Variants in IMMP2L observed in about 807,000 individuals in gnomAD.
IMMP2L encodes inner mitochondrial membrane peptidase subunit 2.
Under a neutral mutation model 19.3 loss-of-function variants are expected in IMMP2L, and 18 were observed. That is an observed-to-expected ratio of 0.93 (90% CI 0.64 to 1.38). IMMP2L has a LOEUF of 1.38. IMMP2L is among the 40% of genes most tolerant of loss of function. The pLI is 0.00. For synonymous variants in IMMP2L, 76 were observed against 73.0 expected, an observed-to-expected ratio of 1.04 and a Z score of -0.21; for missense variants, 233 against 218.2, an observed-to-expected ratio of 1.07 and a Z score of -0.43.
intron 3 of IMMP2L, among the ~76,000 whole-genome samples, chr7:111,336,838 C>CT (rs78425646): frequency 0.046 from 6,514 of 140,214 alleles, 212 homozygotes; most frequent in South Asian, 0.087. Context: ...CAGAAGTAGA[C>CT]TTTTTTTTTT....
intron 5 of IMMP2L, among the ~76,000 whole-genome samples, chr7:110,882,217 C>T (rs1809713300): frequency 6.6e-6 from 1 of 152,130 alleles, no homozygotes; most frequent in African/African-American, 2.4e-5. Flanking sequence ...ACCTGAATCT[C>T]TGTCCTTAAA....
intron 2 of IMMP2L, among the ~76,000 whole-genome samples, chr7:111,512,931 C>A (rs1264430897): frequency 6.6e-6 from 1 of 152,096 alleles, no homozygotes; most frequent in African/African-American, 2.4e-5. Flanking sequence ...CCTTATCTCA[C>A]ACCATATACA....
intron 5 of IMMP2L, among the ~76,000 whole-genome samples, chr7:110,816,867 C>T (rs1283455646): frequency 7.2e-5 from 11 of 152,018 alleles, no homozygotes; most frequent in African/African-American, 2.2e-4. Context: ...TGTCTCTGCA[C>T]GTGAGATGGG....
chr7:110,923,221 T>C (rs1814495125), intron 4 of IMMP2L, among the ~76,000 whole-genome samples: 1 of 152,188 alleles, frequency 6.6e-6, no homozygotes, highest in African/African-American at 2.4e-5. Context: ...ACTATTATTA[T>C]TAATGTCCTT....
intron 5 of IMMP2L, among the ~76,000 whole-genome samples, chr7:110,777,217 A>C (rs1799446818): frequency 6.6e-6 from 1 of 151,972 alleles, no homozygotes; most frequent in Non-Finnish European, 1.5e-5. Context: ...CTACCACAGG[A>C]GCCCAGCTCG....
chr7:111,191,049 G>A (rs1484980570), intron 3 of IMMP2L, among the ~76,000 whole-genome samples: 1 of 152,046 alleles, frequency 6.6e-6, no homozygotes, highest in Non-Finnish European at 1.5e-5. Flanking sequence ...AGATAAGAAG[G>A]CATCAAAGAG....
At chr7:110,766,388 G>A (rs556655839) in intron 5 of IMMP2L, among the ~76,000 whole-genome samples, 4 of 151,920 alleles carry the variant, frequency 2.6e-5, no homozygotes, top group South Asian at 4.2e-4. Flanking sequence ...GTCAGGAGTC[G>A]AAGACCAACT....
chr7:110,703,914 G>C (rs912913817), intron 5 of IMMP2L, among the ~76,000 whole-genome samples: 39 of 150,732 alleles, frequency 2.6e-4, no homozygotes, highest in African/African-American at 9.3e-4. Flanking sequence ...GGTGTGATCT[G>C]GGCTCACTGC....
chr7:111,310,323 G>C (rs1823373945), intron 3 of IMMP2L, among the ~76,000 whole-genome samples: 1 of 151,200 alleles, frequency 6.6e-6, no homozygotes, highest in East Asian at 1.9e-4. Context: ...TCGCCAGATT[G>C]GAAAAGGGGT....
intron 3 of IMMP2L, among the ~76,000 whole-genome samples, chr7:111,300,116 G>A (rs1006079595): frequency 1.3e-5 from 2 of 152,132 alleles, no homozygotes; most frequent in South Asian, 4.2e-4. Context: ...GGTCCTCTGG[G>A]ATCAGGTCAC....
chr7:110,790,942 G>A (rs1800420531), intron 5 of IMMP2L, among the ~76,000 whole-genome samples: 1 of 151,336 alleles, frequency 6.6e-6, no homozygotes. Flanking sequence ...AAGCACCCCT[G>A]ACACCTGCAC....
At chr7:110,906,483 T>C (rs1812463007) in intron 4 of IMMP2L, among the ~76,000 whole-genome samples, 1 of 152,172 alleles carries the variant, frequency 6.6e-6, no homozygotes, top group Non-Finnish European at 1.5e-5. Flanking sequence ...GATAGGCAAA[T>C]GTAACCCTAG....
chr7:110,663,714 A>G lies in IMMP2L; in HGVS notation c.416T>C (p.Leu139Pro), dbSNP rs1437399826. 6.3e-7 allele frequency: 1 copy of G among 1,578,182 alleles called. No homozygotes were observed. Residue 139 changes from leucine (L) to proline (P), a missense_variant, in exon 6 of 6, where the codon CTA (leucine) becomes CCA (proline). Transcript: ENST00000405709. ...TGTGGCATGGGCATGCAGAAGTCCT[A>G]GGGAAACCTTAATTCATGAGAAACA... ...FDSNSFGPVSLGLLHAHATHI... is the reference protein window; with the variant it reads ...FDSNSFGPVSPGLLHAHATHI...
chr7:111,155,451 T>C (rs555458641), intron 3 of IMMP2L, among the ~76,000 whole-genome samples: 3 of 152,126 alleles, frequency 2.0e-5, no homozygotes, highest in Non-Finnish European at 4.4e-5. Flanking sequence ...ATTTTCCTTC[T>C]TGGAATAAAT....
intron 2 of IMMP2L, among the ~76,000 whole-genome samples, chr7:111,500,061 A>G (rs1209746478): frequency 6.6e-6 from 1 of 152,074 alleles, no homozygotes; most frequent in Non-Finnish European, 1.5e-5. Flanking sequence ...CTAGTCAAAG[A>G]AAGAGGTGAC....
chr7:110,751,606 T>G (rs1354191473), intron 5 of IMMP2L, among the ~76,000 whole-genome samples: 2 of 152,002 alleles, frequency 1.3e-5, no homozygotes, highest in African/African-American at 4.8e-5. Context: ...CATAATAAAT[T>G]GTAATAAGGT....
chr7:110,911,662 T>C (rs1813070938), intron 4 of IMMP2L, among the ~76,000 whole-genome samples: 1 of 152,098 alleles, frequency 6.6e-6, no homozygotes, highest in African/African-American at 2.4e-5. Context: ...TTGAACAGAA[T>C]TGCAAATGTT....
chr7:111,181,163 T>C (rs1441692778), intron 3 of IMMP2L, among the ~76,000 whole-genome samples: 2 of 152,040 alleles, frequency 1.3e-5, no homozygotes, highest in Non-Finnish European at 2.9e-5. Flanking sequence ...CTTGCACATA[T>C]GTTTAGGAGC....
At chr7:111,550,899 G>A (rs1849392454) in intron 1 of IMMP2L, among the ~76,000 whole-genome samples, 1 of 152,126 alleles carries the variant, frequency 6.6e-6, no homozygotes. Context: ...TGGGGCTAAG[G>A]AAGCAAAGAA....
Sources: allele counts gnomAD v4.1 joint callset (sites outside exome capture counted in the v4.1 genomes callset), GRCh38; gene constraint gnomAD v4.1.1; transcripts MANE v1.5; gene names NCBI Gene and HGNC (gene_info 2026-07-23, HGNC 2026-07-21).